The following FAF1 variants were observed in gnomAD, a reference collection of about 807,000 sequenced individuals.
The protein encoded by FAF1 is Fas associated factor 1, also known as FAS-associated factor 1.
FAF1 carries 25 observed loss-of-function variants against 92.5 expected under a neutral mutation model. The observed-to-expected ratio is 0.27, with a 90% CI of 0.20 to 0.38. FAF1 has a LOEUF of 0.38. FAF1 is among the 10% of genes least tolerant of loss of function. The pLI, the probability that FAF1 is intolerant of heterozygous loss-of-function variation, is 1.00. For synonymous variants in FAF1, 234 were observed against 273.2 expected (o/e 0.86, Z 1.42); for missense variants, 636 against 793.3 (o/e 0.80, Z 2.38).
At chr1:50,792,562 C>T (rs1370451664) in intron 3 of FAF1, among the ~76,000 whole-genome samples, 1 of 152,184 alleles carries the variant, frequency 6.6e-6, no homozygotes, top group Non-Finnish European at 1.5e-5. Context: ...ATGCCTGAAC[C>T]TTCCTAGCAT....
intron 6 of FAF1, among the ~76,000 whole-genome samples, chr1:50,721,128 C>G (rs1658392831): frequency 6.6e-6 from 1 of 151,986 alleles, no homozygotes; most frequent in Non-Finnish European, 1.5e-5. Flanking sequence ...CAATATCATT[C>G]ATGAAAATAA....
chr1:50,923,871 C>T (rs1570145894), intron 1 of FAF1, among the ~76,000 whole-genome samples: 1 of 152,228 alleles, frequency 6.6e-6, no homozygotes, highest in South Asian at 2.1e-4. Flanking sequence ...CAATAAAATT[C>T]AACATCCATT....
At chr1:50,494,911 G>A (rs993238904) in intron 15 of FAF1, among the ~76,000 whole-genome samples, 3 of 151,970 alleles carry the variant, frequency 2.0e-5, no homozygotes, top group Non-Finnish European at 4.4e-5. Flanking sequence ...TATATTTTCT[G>A]TCCTGAGTAT....
At chr1:50,577,358 G>C (rs946743492) in intron 12 of FAF1, among the ~76,000 whole-genome samples, 7 of 151,990 alleles carry the variant, frequency 4.6e-5, no homozygotes, top group African/African-American at 1.4e-4. Flanking sequence ...AACCCCGTCT[G>C]TACTAAAAAC....
intron 2 of FAF1, among the ~76,000 whole-genome samples, chr1:50,802,176 C>T (rs1305548959): frequency 2.0e-5 from 3 of 152,092 alleles, no homozygotes; most frequent in South Asian, 4.1e-4. Context: ...CCACAACCTC[C>T]GCCTCCCAGG....
At chr1:50,725,772 T>G (rs1440637283) in intron 6 of FAF1, among the ~76,000 whole-genome samples, 1 of 152,132 alleles carries the variant, frequency 6.6e-6, no homozygotes, top group Non-Finnish European at 1.5e-5. Context: ...CCATATATTT[T>G]AACACCACTA....
At position 50,441,389 on chromosome 1, in the gene FAF1, C is replaced by T. The variant is rs764699238; in HGVS notation, c.*51G>A. ...GGTTGGCGAGGAGCCCTTCTCCTGACGCAGGCTGCTGGCTTGTCAAGGAAT... is the reference window on the plus strand; with the variant it reads ...GGTTGGCGAGGAGCCCTTCTCCTGATGCAGGCTGCTGGCTTGTCAAGGAAT... On this transcript the variant is annotated 3_prime_UTR_variant, in exon 19 of 19. Coordinates refer to ENST00000396153, the MANE Select transcript of FAF1 (RefSeq NM_007051.3). 15 of 1,210,370 alleles carry T rather than the reference C, an allele frequency of 1.2e-5. No individual in the cohort carries two copies. The highest frequency in any genetic ancestry group is 6.2e-5 in the South Asian group (4 of 64,396). 75.0% of individuals were successfully genotyped at this position (1,210,370 alleles called of 1,614,324 possible).
At chr1:50,486,875 A>AAAAGGCAGT (rs1646775455) in intron 17 of FAF1, among the ~76,000 whole-genome samples, 1 of 152,196 alleles carries the variant, frequency 6.6e-6, no homozygotes, top group African/African-American at 2.4e-5. Context: ...ACTCAGTAGA[A>AAAAGGCAGT]AAAGGCAGTA....
chr1:50,648,196 TGCAGTGA>T (rs1319390669), intron 8 of FAF1, among the ~76,000 whole-genome samples: 11 of 152,096 alleles, frequency 7.2e-5, no homozygotes, highest in Non-Finnish European at 1.5e-5. Context: ...AGACAGAGGT[TGCAGTGA>T]GCCGAGATCG....
At chr1:50,795,709 C>T (rs1234950616) in intron 3 of FAF1, among the ~76,000 whole-genome samples, 1 of 152,200 alleles carries the variant, frequency 6.6e-6, no homozygotes, top group Non-Finnish European at 1.5e-5. Context: ...TTGCCTCCTA[C>T]AACTTTGGGT....
At chr1:50,748,283 G>T (rs1437392635) in intron 4 of FAF1, among the ~76,000 whole-genome samples, 2 of 151,762 alleles carry the variant, frequency 1.3e-5, no homozygotes, top group African/African-American at 2.4e-5. Context: ...ATCAACTGAG[G>T]TCAGGAGTTC....
intron 18 of FAF1, among the ~76,000 whole-genome samples, chr1:50,454,716 A>C (rs79080477): frequency 6.6e-6 from 1 of 152,242 alleles, no homozygotes; most frequent in Non-Finnish European, 1.5e-5. Flanking sequence ...CTAAAACAGC[A>C]TTCTTATACT....
intron 5 of FAF1, among the ~76,000 whole-genome samples, chr1:50,739,240 ATATG>A (rs1013610614): frequency 6.6e-6 from 1 of 151,888 alleles, no homozygotes; most frequent in Non-Finnish European, 1.5e-5. Context: ...GCATACATAT[ATATG>A]TGTGTCTATA....
intron 17 of FAF1, among the ~76,000 whole-genome samples, chr1:50,485,959 T>A (rs1442233080): frequency 6.6e-6 from 1 of 152,136 alleles, no homozygotes. Flanking sequence ...GGCGCTCCCA[T>A]GATCCAATCA....
intron 4 of FAF1, among the ~76,000 whole-genome samples, chr1:50,782,603 A>G (rs879414145): frequency 2.6e-5 from 4 of 152,084 alleles, no homozygotes; most frequent in Non-Finnish European, 5.9e-5. Context: ...CTGGTCTCAA[A>G]TTCCTGAGCT....
At chr1:50,844,086 T>C (rs888390068) in intron 2 of FAF1, among the ~76,000 whole-genome samples, 2 of 152,328 alleles carry the variant, frequency 1.3e-5, no homozygotes, top group Non-Finnish European at 1.5e-5. Context: ...CAGGGTGAGA[T>C]GATATCTCAT....
intron 8 of FAF1, among the ~76,000 whole-genome samples, chr1:50,629,751 G>C (rs940605741): frequency 3.3e-5 from 5 of 151,960 alleles, no homozygotes; most frequent in Admixed American, 6.6e-5. Context: ...ATTGATTAAC[G>C]TGAAGATTAA....
At chr1:50,602,663 C>T (rs1027023198) in intron 8 of FAF1, among the ~76,000 whole-genome samples, 1 of 151,770 alleles carries the variant, frequency 6.6e-6, no homozygotes, top group Admixed American at 6.6e-5. Flanking sequence ...CCACCAAGTC[C>T]GGCTAATTTT....
At chr1:50,722,887 C>T (rs1478512558) in intron 6 of FAF1, among the ~76,000 whole-genome samples, 2 of 152,130 alleles carry the variant, frequency 1.3e-5, no homozygotes, top group South Asian at 2.1e-4. Flanking sequence ...TCTTTCAGTA[C>T]CTCTCCTAGT....
Sources: allele counts gnomAD v4.1 joint callset (sites outside exome capture counted in the v4.1 genomes callset), GRCh38; gene constraint gnomAD v4.1.1; transcripts MANE v1.5; gene names NCBI Gene and HGNC (gene_info 2026-07-23, HGNC 2026-07-21).